Variants in SORL1 observed in about 807,000 individuals in gnomAD.
SORL1 encodes the protein sortilin-related receptor.
SORL1 carries 127 observed loss-of-function variants against 273.7 expected under a neutral mutation model. That is an observed-to-expected ratio of 0.46 (90% CI 0.40 to 0.54). The LOEUF (loss-of-function observed/expected upper bound fraction) is 0.54. SORL1 is among the 20% of genes least tolerant of loss of function. The pLI is 0.00. For synonymous variants in SORL1, 1,031 were observed against 1,067.4 expected (o/e 0.97, Z 0.66); for missense variants, 2,494 against 2,846.1 (o/e 0.88, Z 2.81).
At position 121,631,866 on chromosome 11, in the gene SORL1, T is replaced by G. The variant is rs1398336827; in HGVS notation, c.*2303T>G. 2 of 152,254 alleles carry G rather than the reference T, an allele frequency of 1.3e-5. No individual in the cohort carries two copies. The highest frequency in any genetic ancestry group is 4.8e-5 in the African/African-American group (2 of 41,456). 9.4% of individuals were successfully genotyped at this position (152,254 alleles called of 1,614,324 possible). A position where few individuals can be genotyped will look rare whatever the true frequency, so the allele number is the denominator to read the frequency against. On this transcript the variant is annotated 3_prime_UTR_variant, in exon 48 of 48. Transcript: ENST00000260197. ...ACTAAGCTAGATAGCTGCAGCTATA[T>G]GTAAATTGTATATTTTTATGAACTT...
At chr11:121,553,311 A>C (rs895901119) in intron 16 of SORL1, among the ~76,000 whole-genome samples, 1 of 152,264 alleles carries the variant, frequency 6.6e-6, no homozygotes, top group Non-Finnish European at 1.5e-5. Context: ...CACATTATAC[A>C]CAATATGTAC....
chr11:121,456,006 A>C (rs1233852159), intron 1 of SORL1, among the ~76,000 whole-genome samples: 3 of 152,044 alleles, frequency 2.0e-5, no homozygotes, highest in African/African-American at 7.2e-5. Flanking sequence ...AAAAAAAAAA[A>C]AAAGGCAAAG....
chr11:121,542,274 C>G (rs1468983683), intron 12 of SORL1, among the ~76,000 whole-genome samples: 1 of 152,180 alleles, frequency 6.6e-6, no homozygotes, highest in East Asian at 1.9e-4. Flanking sequence ...TCAGTTGTCT[C>G]AAATTATTTA....
chr11:121,487,885 G>T, intron 3 of SORL1, 147 bp from the exon 4 acceptor site: 1 of 734,450 alleles, frequency 1.4e-6, no homozygotes, highest in Non-Finnish European at 2.3e-6. Flanking sequence ...GAAAGCCATT[G>T]TGGAAGCCCT....
intron 37 of SORL1, 86 bp from the exon 38 acceptor site, chr11:121,608,018 C>G (rs1342488696): frequency 6.6e-6 from 8 of 1,213,052 alleles, no homozygotes; most frequent in South Asian, 5.2e-5. Flanking sequence ...CAAAATCTCA[C>G]CCCTTTAGCT....
chr11:121,619,091 G>T (rs1350413108), intron 42 of SORL1, among the ~76,000 whole-genome samples, 198 bp downstream of exon 42: 1 of 152,194 alleles, frequency 6.6e-6, no homozygotes, highest in Non-Finnish European at 1.5e-5. Flanking sequence ...ACCAACTGCA[G>T]CTCCGTTATG....
chr11:121,608,323 G>T, intron 38 of SORL1, 147 bp downstream of exon 38: 1 of 664,738 alleles, frequency 1.5e-6, no homozygotes, highest in Non-Finnish European at 2.6e-6. Context: ...ATTTTTGGGT[G>T]TCTCTGTAGT....
At chr11:121,490,607 G>A (rs1298071912) in intron 5 of SORL1, among the ~76,000 whole-genome samples, 1 of 152,012 alleles carries the variant, frequency 6.6e-6, no homozygotes, top group Non-Finnish European at 1.5e-5. Flanking sequence ...GAGCATGGTG[G>A]TATGTGCCTA....
At chr11:121,619,276 G>A (rs1863686264) in intron 42 of SORL1, among the ~76,000 whole-genome samples, 1 of 152,214 alleles carries the variant, frequency 6.6e-6, no homozygotes, top group Admixed American at 6.5e-5. Flanking sequence ...CAACTTAAAT[G>A]TCTATGAAGA....
At chr11:121,497,212 C>T (rs668387) in intron 6 of SORL1, among the ~76,000 whole-genome samples, 163 bp downstream of exon 6, 60,708 of 152,000 alleles carry the variant, frequency 0.4, 12,551 homozygotes, top group East Asian at 0.55. Context: ...ACGAACATTC[C>T]GAAAGGGCTT....
At chr11:121,519,341 A>G (rs149936628) in intron 8 of SORL1, among the ~76,000 whole-genome samples, 553 of 151,486 alleles carry the variant, frequency 3.7e-3, no homozygotes, top group African/African-American at 0.013. Context: ...GCGCAAAACC[A>G]CTTCCCTGTG....
intron 5 of SORL1, among the ~76,000 whole-genome samples, chr11:121,494,506 A>G (rs543243716): frequency 6.6e-6 from 1 of 152,320 alleles, no homozygotes; most frequent in Admixed American, 6.5e-5. Context: ...AGCATCATTG[A>G]GGGATTTCAG....
rs1232040143 is a variant in SORL1, at chr11:121,621,159, G to A, written c.5985G>A (p.Lys1995=). The change falls in exon 44 of 48, where the codon AAG becomes AAA. Residue 1995 remains lysine (K), a synonymous_variant. Transcript: ENST00000260197. The part of the protein sequence containing the change: ...RNSTVEYTLN[K]LEPGGKYHII... ...GCACTGTGGAATACACCCTTAACAAGTTGGAGCCTGGCGGGAAATACCACA... is the reference window on the plus strand; with the variant it reads ...GCACTGTGGAATACACCCTTAACAAATTGGAGCCTGGCGGGAAATACCACA... 4 of 1,614,184 alleles carry A rather than the reference G, an allele frequency of 2.5e-6. No individual in the cohort carries two copies. In the South Asian group the frequency reaches 3.3e-5, roughly 13 times the overall value.
intron 14 of SORL1, among the ~76,000 whole-genome samples, chr11:121,546,058 G>A (rs1862421612): frequency 6.6e-6 from 1 of 152,214 alleles, no homozygotes; most frequent in Non-Finnish European, 1.5e-5. Context: ...TTTGAGCTGG[G>A]CTCTCAGGGA....
intron 3 of SORL1, among the ~76,000 whole-genome samples, chr11:121,484,857 G>A (rs1861448834): frequency 6.6e-6 from 1 of 152,122 alleles, no homozygotes; most frequent in Admixed American, 6.5e-5. Flanking sequence ...AGGTTCAAGC[G>A]ATTCTTGCAC....
At position 121,606,823 on chromosome 11, in the gene SORL1, C is replaced by G. The variant is rs1357229543; in HGVS notation, c.4949-22C>G. On this transcript the variant is annotated intron_variant, in intron 35 of 47. Transcript: ENST00000260197. ...GGCTGCTATGCAGATGGGTTTTAAC[C>G]TTGAGTTGACTCTTTTTCTAGTGCC... is the stretch of plus-strand genomic sequence containing the variant. 1.9e-6 allele frequency: 3 copies of G among 1,577,582 alleles called. No homozygotes were observed. In the Admixed American group the frequency reaches 5.0e-5, roughly 26 times the overall value.
At position 121,596,515 on chromosome 11, in the gene SORL1, G is replaced by A. The variant is rs1311556601; in HGVS notation, c.4519+743G>A. ...TACTGTAGCAGACTTGGGAGGGCAT[G>A]GCTGGACGGTGCTTATGCAGCCCCC... On this transcript the variant is annotated intron_variant, in intron 32 of 47. Transcript: ENST00000260197. The surrounding 1 kb of genome is among the most constrained non-coding windows in gnomAD (Gnocchi z 4.3). 6.6e-6 allele frequency among the ~76,000 whole-genome samples: 1 copy of A among 152,216 alleles called. No homozygotes were observed. Among genetic ancestry groups the A allele is most frequent in the Non-Finnish European group, 1.5e-5 (1 of 68,028 alleles).
Position 121,627,419 on chromosome 11 carries a change from C to T in SORL1, c.6365-136C>T, listed in dbSNP as rs1565359767. On this transcript the variant is annotated intron_variant, in intron 46 of 47. Coordinates refer to ENST00000260197, the MANE Select transcript of SORL1 (RefSeq NM_003105.6). This position sits in a 1 kb window ranked among gnomAD's most constrained non-coding sequence, Gnocchi z 4.9. ...ATCAGGCATCACGCACATGCAGAAA[C>T]GTCTCACACCAGACAGGCAGTTTGT... 4 of 700,740 alleles carry T rather than the reference C, an allele frequency of 5.7e-6. No individual in the cohort carries two copies. Among genetic ancestry groups the T allele is most frequent in the Non-Finnish European group, 7.5e-6 (3 of 398,912 alleles). 43.4% of individuals were successfully genotyped at this position (700,740 alleles called of 1,614,324 possible). A position where few individuals can be genotyped will look rare whatever the true frequency, so the allele number is the denominator to read the frequency against.
chr11:121,522,438 G>A (rs1191978178), intron 9 of SORL1, 148 bp from the exon 10 acceptor site: 3 of 678,094 alleles, frequency 4.4e-6, no homozygotes, highest in African/African-American at 3.6e-5. Flanking sequence ...GGGGGTGTGG[G>A]GACAGCTGGG....
Sources: allele counts gnomAD v4.1 joint callset (sites outside exome capture counted in the v4.1 genomes callset), GRCh38; gene constraint gnomAD v4.1.1; non-coding constraint Gnocchi (gnomAD v3.1); transcripts MANE v1.5; gene names NCBI Gene and HGNC (gene_info 2026-07-23, HGNC 2026-07-21).